The following ELOVL6 variants were observed in gnomAD, a reference collection of about 807,000 sequenced individuals.
The protein encoded by ELOVL6 is ELOVL fatty acid elongase 6, also known as very long chain fatty acid elongase 6.
Under a neutral mutation model 31.7 loss-of-function variants are expected in ELOVL6, and 8 were observed. The ratio of observed to expected loss-of-function variants is 0.25; its 90% CI spans 0.15 to 0.45. ELOVL6 has a LOEUF of 0.45. Among genes scored for constraint, ELOVL6 ranks in the 20% least tolerant of loss-of-function variants. The pLI is 1.00. For synonymous variants in ELOVL6, 101 were observed against 117.7 expected, an observed-to-expected ratio of 0.86 and a Z score of 0.92; for missense variants, 126 against 326.4, an observed-to-expected ratio of 0.39 and a Z score of 4.73.
Position 110,051,724 on chromosome 4 carries a change from T to C in ELOVL6, c.412A>G (p.Ile138Val). The change falls in exon 4 of 4, where the codon ATC (isoleucine) becomes GTC (valine). Residue 138 changes from isoleucine (I) to valine (V), a missense_variant. This residue lies in a region of ELOVL6 where 53 missense variants were observed against 193.4 expected (regional missense o/e 0.27). Transcript: ENST00000302274. The surrounding 1 kb of genome is among the most constrained non-coding windows in gnomAD (Gnocchi z 4.8). ...IFIILRKQKL[I>V]FLHWYHHITV... ...ATGTGGTGATACCAGTGCAGGAAGA[T>C]CAGCTTCTGCTTCCTCAGAATAATG... The C allele has an allele frequency of 6.2e-7, 1 of 1,613,950 alleles. No individual in the cohort carries two copies.
chr4:110,093,909 G>C (rs1756491619), intron 2 of ELOVL6, among the ~76,000 whole-genome samples: 1 of 152,098 alleles, frequency 6.6e-6, no homozygotes, highest in Non-Finnish European at 1.5e-5. Flanking sequence ...GTCTCATCAA[G>C]GCCAAATGTG....
At chr4:110,194,856 G>C (rs1430319951) in intron 1 of ELOVL6, among the ~76,000 whole-genome samples, 2 of 152,196 alleles carry the variant, frequency 1.3e-5, no homozygotes, top group Non-Finnish European at 2.9e-5. Flanking sequence ...AGCCAATGTA[G>C]TTCACTTTTG....
intron 1 of ELOVL6, among the ~76,000 whole-genome samples, chr4:110,189,614 AGAGAG>A (rs1404642395): frequency 8.7e-6 from 1 of 115,120 alleles, no homozygotes; most frequent in African/African-American, 3.4e-5. Flanking sequence ...AAAAAAAAAA[AGAGAG>A]AGAGAGAGAG....
At chr4:110,164,286 G>A (rs1385103044) in intron 1 of ELOVL6, among the ~76,000 whole-genome samples, 1 of 152,278 alleles carries the variant, frequency 6.6e-6, no homozygotes, top group East Asian at 1.9e-4. Flanking sequence ...AGGTCCCAGA[G>A]TTTGATACAC....
At chr4:110,080,812 G>A (rs1411376914) in intron 2 of ELOVL6, among the ~76,000 whole-genome samples, 1 of 152,080 alleles carries the variant, frequency 6.6e-6, no homozygotes, top group Non-Finnish European at 1.5e-5. Context: ...GTCCCTGTTT[G>A]CAGATGACAT....
At chr4:110,188,596 G>A (rs1434684526) in intron 1 of ELOVL6, among the ~76,000 whole-genome samples, 2 of 152,108 alleles carry the variant, frequency 1.3e-5, no homozygotes, top group Non-Finnish European at 2.9e-5. Flanking sequence ...GTTAAAGTAC[G>A]TAAAACATTG....
intron 1 of ELOVL6, among the ~76,000 whole-genome samples, chr4:110,109,769 A>G (rs1439486068): frequency 6.6e-6 from 1 of 152,190 alleles, no homozygotes; most frequent in African/African-American, 2.4e-5. Context: ...CAAGAGTCAA[A>G]CTAGTTTATT....
chr4:110,103,548 AAT>A (rs1472106686), intron 2 of ELOVL6, among the ~76,000 whole-genome samples: 2 of 152,198 alleles, frequency 1.3e-5, no homozygotes, highest in Non-Finnish European at 2.9e-5. Context: ...AAGATAACCG[AAT>A]AGTTGATAAA....
intron 2 of ELOVL6, among the ~76,000 whole-genome samples, chr4:110,080,368 C>G (rs952966288): frequency 6.6e-6 from 1 of 152,208 alleles, no homozygotes; most frequent in East Asian, 1.9e-4. Flanking sequence ...CCAAATCCAG[C>G]AGCGCATCAA....
Sources: gnomAD v4.1 joint callset for allele counts (sites outside exome capture counted in the v4.1 genomes callset) on GRCh38, gnomAD v4.1.1 for gene constraint, gnomAD v4.1.1 regional missense constraint, Gnocchi (gnomAD v3.1) non-coding constraint, MANE v1.5 for transcripts, NCBI Gene and HGNC (gene_info 2026-07-23, HGNC 2026-07-21) for gene names.